PRICKLE1: variants seen among roughly 807,000 people sequenced by gnomAD.
PRICKLE1 encodes the protein prickle planar cell polarity protein 1, also known as prickle-like protein 1.
Under a neutral mutation model 70.2 loss-of-function variants are expected in PRICKLE1, and 14 were observed. The observed-to-expected ratio is 0.20, with a 90% confidence interval of 0.13 to 0.31. The LOEUF is 0.31. Ranked by LOEUF, PRICKLE1 falls within the 10% of genes least tolerant of loss-of-function variation. The pLI is 1.00. For missense variants in PRICKLE1, 821 were observed against 1,026.2 expected (o/e 0.80, Z 2.73); for synonymous variants, 357 against 379.9 (o/e 0.94, Z 0.70).
chr12:42,506,726 C>G (rs1939426635), intron 1 of PRICKLE1, among the ~76,000 whole-genome samples: 3 of 151,992 alleles, frequency 2.0e-5, no homozygotes, highest in Admixed American at 2.0e-4. Context: ...GTACCCACCA[C>G]CATGCCCGGC....
intron 1 of PRICKLE1, among the ~76,000 whole-genome samples, chr12:42,497,489 C>T (rs1214401735): frequency 2.9e-5 from 4 of 137,948 alleles, no homozygotes; most frequent in East Asian, 2.2e-4. Flanking sequence ...GCAGAGCTTG[C>T]GGTGAGCCAA....
chr12:42,562,628 G>A (rs1229677976), intron 1 of PRICKLE1, among the ~76,000 whole-genome samples: 1 of 152,082 alleles, frequency 6.6e-6, no homozygotes, highest in Non-Finnish European at 1.5e-5. Context: ...ATAATAAGTA[G>A]ACAAGGAAGA....
At position 42,459,034 on chromosome 12, in the gene PRICKLE1, A is replaced by G. The variant is rs903312101; in HGVS notation, c.*775T>C. On this transcript the variant is annotated 3_prime_UTR_variant, in exon 8 of 8. Transcript: ENST00000345127. ...AGGCAATGTAAATTTGACCATCTAC[A>G]TTTATAAACCCTGACTAAAATATAA... 5.2e-6 allele frequency: 2 copies of G among 385,340 alleles called. No individual in the cohort carries two copies. The highest frequency in any genetic ancestry group is 9.4e-6 in the Non-Finnish European group (2 of 213,474). The allele number at this position is 385,340 out of a possible 1,614,324, so 23.9% of individuals were successfully genotyped here.
intron 1 of PRICKLE1, among the ~76,000 whole-genome samples, chr12:42,481,740 T>C (rs1938801455): frequency 1.3e-5 from 2 of 152,212 alleles, no homozygotes; most frequent in Admixed American, 1.3e-4. Context: ...CTTTTCACAA[T>C]ACAAAATATA....
intron 1 of PRICKLE1, among the ~76,000 whole-genome samples, chr12:42,526,849 T>C (rs1939810395): frequency 6.6e-6 from 1 of 151,652 alleles, no homozygotes; most frequent in South Asian, 2.1e-4. Context: ...ACGATGATGA[T>C]GATGATGTCT....
At chr12:42,547,832 T>C (rs1169320372) in intron 1 of PRICKLE1, among the ~76,000 whole-genome samples, 1 of 152,210 alleles carries the variant, frequency 6.6e-6, no homozygotes, top group African/African-American at 2.4e-5. Flanking sequence ...GTATCCTTTA[T>C]CTGAAGTACT....
intron 1 of PRICKLE1, among the ~76,000 whole-genome samples, chr12:42,476,088 G>A (rs1423328970): frequency 6.3e-5 from 6 of 95,548 alleles, no homozygotes; most frequent in East Asian, 3.5e-4. Flanking sequence ...GCAAAACTCC[G>A]TCTCAAAAAA....
At chr12:42,558,613 C>A (rs2120689550) in intron 1 of PRICKLE1, among the ~76,000 whole-genome samples, 1 of 152,366 alleles carries the variant, frequency 6.6e-6, no homozygotes, top group South Asian at 2.1e-4. Context: ...TGAGTGAACA[C>A]CGGACCACAA....
chr12:42,528,188 C>T (rs989659904), intron 1 of PRICKLE1, among the ~76,000 whole-genome samples: 3 of 151,932 alleles, frequency 2.0e-5, no homozygotes, highest in Non-Finnish European at 4.4e-5. Context: ...TCAACTGGCC[C>T]TCCCACCTCA....
chr12:42,533,582 CATAAATGGTCATTATTT>C (rs1366307529), intron 1 of PRICKLE1, among the ~76,000 whole-genome samples: 1 of 152,036 alleles, frequency 6.6e-6, no homozygotes, highest in Non-Finnish European at 1.5e-5. Context: ...AGACAACAGT[CATAAATGGTCATTATTT>C]ATAAAGTTGC....
intron 1 of PRICKLE1, among the ~76,000 whole-genome samples, chr12:42,526,915 G>A (rs2600930): frequency 0.75 from 113,826 of 151,850 alleles, 43,067 homozygotes; most frequent in African/African-American, 0.84. Flanking sequence ...ATTACCAGAT[G>A]GAATCAAGAG....
chr12:42,502,219 A>T (rs1406175589), intron 1 of PRICKLE1, among the ~76,000 whole-genome samples: 1 of 150,032 alleles, frequency 6.7e-6, no homozygotes, highest in Non-Finnish European at 1.5e-5. Flanking sequence ...ATATATACAC[A>T]CACCTATACA....
At chr12:42,503,354 C>T (rs1404092274) in intron 1 of PRICKLE1, among the ~76,000 whole-genome samples, 1 of 152,126 alleles carries the variant, frequency 6.6e-6, no homozygotes, top group Admixed American at 6.6e-5. Context: ...GTTACTCCCA[C>T]CTGGGATGAG....
At chr12:42,567,882 A>G (rs1401059391) in intron 1 of PRICKLE1, among the ~76,000 whole-genome samples, 1 of 152,034 alleles carries the variant, frequency 6.6e-6, no homozygotes, top group Non-Finnish European at 1.5e-5. Context: ...ACACATGTAC[A>G]TACACACAGA....
chr12:42,504,439 T>C (rs1939369104), intron 1 of PRICKLE1, among the ~76,000 whole-genome samples: 1 of 152,238 alleles, frequency 6.6e-6, no homozygotes, highest in Admixed American at 6.5e-5. Flanking sequence ...AGCGTTGCTC[T>C]GGAACTGACT....
intron 1 of PRICKLE1, among the ~76,000 whole-genome samples, chr12:42,547,652 A>T (rs1192408031): frequency 6.6e-6 from 1 of 152,190 alleles, no homozygotes; most frequent in Non-Finnish European, 1.5e-5. Flanking sequence ...AAATAATATG[A>T]TCTATTATCA....
intron 1 of PRICKLE1, among the ~76,000 whole-genome samples, chr12:42,563,702 C>CAAAAAAAA (rs11367725): frequency 2.2e-5 from 1 of 46,504 alleles, no homozygotes; most frequent in African/African-American, 7.3e-5. Flanking sequence ...GACTCTGTCT[C>CAAAAAAAA]AAAAAAAAAA....
At chr12:42,499,603 T>G (rs34394183) in intron 1 of PRICKLE1, among the ~76,000 whole-genome samples, 6,279 of 152,100 alleles carry the variant, frequency 0.041, 159 homozygotes, top group South Asian at 0.083. Context: ...GTATTTTTAG[T>G]AGAGACGAGG....
chr12:42,466,023 T>C, intron 6 of PRICKLE1, 171 bp downstream of exon 6: 1 of 721,562 alleles, frequency 1.4e-6, no homozygotes, highest in Admixed American at 2.3e-5. Flanking sequence ...AAGAATCAAC[T>C]CTCTGTTCAT....
Sources: allele counts gnomAD v4.1 joint callset (sites outside exome capture counted in the v4.1 genomes callset), GRCh38; gene constraint gnomAD v4.1.1; transcripts MANE v1.5; gene names NCBI Gene and HGNC (gene_info 2026-07-23, HGNC 2026-07-21).